KDM4B: variants seen among roughly 807,000 people sequenced by gnomAD.
KDM4B encodes lysine demethylase 4B, also known as lysine-specific demethylase 4B.
Under a neutral mutation model 125.2 loss-of-function variants are expected in KDM4B, and 32 were observed. The observed-to-expected ratio is 0.26, with a 90% CI of 0.19 to 0.34. KDM4B has a LOEUF of 0.34. Among genes scored for constraint, KDM4B ranks in the 10% least tolerant of loss-of-function variants. The pLI is 1.00. For synonymous variants in KDM4B, 721 were observed against 677.9 expected (o/e 1.06, Z -0.99); for missense variants, 1,190 against 1,577.7 (o/e 0.75, Z 4.16).
intron 1 of KDM4B, among the ~76,000 whole-genome samples, chr19:5,005,445 C>T (rs2035526826): frequency 6.6e-6 from 1 of 152,118 alleles, no homozygotes; most frequent in South Asian, 2.1e-4. Flanking sequence ...GTGACAGCTG[C>T]CACTTAGGGG....
chr19:4,992,066 C>T (rs528223046), intron 1 of KDM4B, among the ~76,000 whole-genome samples: 389 of 152,204 alleles, frequency 2.6e-3, no homozygotes, highest in Non-Finnish European at 4.3e-3. Flanking sequence ...AGGACAAGAT[C>T]CAAGGTTGCC....
At chr19:5,130,216 C>T (rs1395573936) in intron 11 of KDM4B, among the ~76,000 whole-genome samples, 1 of 152,200 alleles carries the variant, frequency 6.6e-6, no homozygotes, top group Non-Finnish European at 1.5e-5. Flanking sequence ...TCAGTCCCAC[C>T]CACAGAGTCC....
chr19:5,124,742 C>T (rs1568312383), intron 11 of KDM4B, among the ~76,000 whole-genome samples: 1 of 152,078 alleles, frequency 6.6e-6, no homozygotes, highest in Non-Finnish European at 1.5e-5. Context: ...ATTACAGGCG[C>T]CCGCCACCAT....
At position 4,976,779 on chromosome 19, in the gene KDM4B, C is replaced by T. The variant is rs567953130; in HGVS notation, c.-109+7549C>T. Among the ~76,000 whole-genome samples the T allele has an allele frequency of 3.9e-5, 6 of 152,278 alleles. No individual in the cohort carries two copies. The South Asian group carries it at 1.0e-3, about 26-fold the overall frequency. ...CGGTGGCCATCGTGCGGTCAGTAGC[C>T]GAGTGGGGGACTGTGCCCGGCCACA... On this transcript the variant is annotated intron_variant, in intron 1 of 22. Coordinates refer to ENST00000159111, the MANE Select transcript of KDM4B (RefSeq NM_015015.3).
Position 5,041,021 on chromosome 19 carries a change from C to T in KDM4B, c.318-116C>T, listed in dbSNP as rs868431585. 14 of 626,176 alleles carry T rather than the reference C, an allele frequency of 2.2e-5. 1 individual carries two copies. Among genetic ancestry groups the T allele is most frequent in the African/African-American group, 1.3e-4 (7 of 53,538 alleles). 38.8% of individuals were successfully genotyped at this position (626,176 alleles called of 1,614,324 possible). On this transcript the variant is annotated intron_variant, in intron 4 of 22. Coordinates refer to ENST00000159111, the MANE Select transcript of KDM4B (RefSeq NM_015015.3). The stretch of plus-strand genomic sequence containing the variant: ...TACCCTAGGCGGGGCAGCGGGCAGT[C>T]GGAGCAGAGCCCCTCCCGCCTCTTT...
chr19:5,068,653 C>T (rs142853041), intron 6 of KDM4B, among the ~76,000 whole-genome samples: 2,049 of 152,302 alleles, frequency 0.013, 23 homozygotes, highest in Non-Finnish European at 0.022. Context: ...TGGGTTGTTC[C>T]GAGTGGCGGG....
intron 1 of KDM4B, among the ~76,000 whole-genome samples, chr19:4,978,250 T>G (rs2034517261): frequency 6.6e-6 from 1 of 152,040 alleles, no homozygotes; most frequent in Non-Finnish European, 1.5e-5. Flanking sequence ...CTCACGCCTG[T>G]CATCCCAGCA....
chr19:5,125,149 A>G (rs878911129), intron 11 of KDM4B, among the ~76,000 whole-genome samples: 1 of 152,076 alleles, frequency 6.6e-6, no homozygotes, highest in East Asian at 1.9e-4. Flanking sequence ...CAGCCTCCCA[A>G]AGTGCTGGGA....
intron 1 of KDM4B, among the ~76,000 whole-genome samples, chr19:4,991,461 A>G (rs932714657): frequency 1.3e-5 from 2 of 152,220 alleles, no homozygotes; most frequent in African/African-American, 4.8e-5. Context: ...AAAAGCAAAA[A>G]TAAGAATGAA....
At chr19:4,973,432 G>T (rs1466268886) in intron 1 of KDM4B, among the ~76,000 whole-genome samples, 2 of 151,962 alleles carry the variant, frequency 1.3e-5, no homozygotes, top group African/African-American at 2.4e-5. Flanking sequence ...CAAGTGATCC[G>T]CCTGCCTCGG....
intron 1 of KDM4B, among the ~76,000 whole-genome samples, chr19:4,970,384 G>C (rs960591804): frequency 2.0e-5 from 3 of 152,212 alleles, no homozygotes; most frequent in African/African-American, 7.2e-5. Flanking sequence ...CCTGTCATAT[G>C]TGAAGAGCGT....
In KDM4B at chr19:4,971,132, A is replaced by G. The variant is rs1199206468; in HGVS notation, c.-109+1902A>G. 2.0e-5 allele frequency among the ~76,000 whole-genome samples: 3 copies of G among 152,200 alleles called. No homozygotes were observed. The highest frequency in any genetic ancestry group is 6.5e-5 in the Admixed American group (1 of 15,284). On this transcript the variant is annotated intron_variant, in intron 1 of 22. Transcript: ENST00000159111. The surrounding 1 kb of genome is among the most constrained non-coding windows in gnomAD (Gnocchi z 4.1). ...CTGAAATATATATGTCTTAGTAACA[A>G]TCCGTTTGCTCGCATTTTCTAACCC...
At chr19:5,034,525 C>G (rs2036556504) in intron 3 of KDM4B, among the ~76,000 whole-genome samples, 1 of 152,208 alleles carries the variant, frequency 6.6e-6, no homozygotes, top group South Asian at 2.1e-4. Context: ...CCCCCAACCA[C>G]TTAAAAATGA....
chr19:4,970,213 C>T (rs2034206058), intron 1 of KDM4B, among the ~76,000 whole-genome samples: 1 of 152,216 alleles, frequency 6.6e-6, no homozygotes, highest in African/African-American at 2.4e-5. Flanking sequence ...GTTTTCCGCC[C>T]CTGGGGGCAG....
chr19:5,133,569 G>C (rs1276250527), intron 13 of KDM4B, among the ~76,000 whole-genome samples: 6 of 152,240 alleles, frequency 3.9e-5, no homozygotes, highest in Non-Finnish European at 7.3e-5. Flanking sequence ...GGCTCTGGAT[G>C]TCCAGGGAGA....
At chr19:5,037,941 G>C (rs926508736) in intron 3 of KDM4B, among the ~76,000 whole-genome samples, 1 of 152,258 alleles carries the variant, frequency 6.6e-6, no homozygotes, top group African/African-American at 2.4e-5. Context: ...TGGAGGATAA[G>C]TGTTTTCATT....
At chr19:4,995,508 A>T (rs2035170779) in intron 1 of KDM4B, among the ~76,000 whole-genome samples, 1 of 151,968 alleles carries the variant, frequency 6.6e-6, no homozygotes, top group Non-Finnish European at 1.5e-5. Context: ...CGAACTCCTG[A>T]CCTCAACCGA....
chr19:5,035,292 C>G lies in KDM4B; in HGVS notation c.141+2261C>G, dbSNP rs1255633496. Among the ~76,000 whole-genome samples, 1 of 152,156 alleles carries G rather than the reference C, an allele frequency of 6.6e-6. No individual in the cohort carries two copies. The highest frequency in any genetic ancestry group is 1.5e-5 in the Non-Finnish European group (1 of 68,030). The stretch of plus-strand genomic sequence containing the variant: ...CTGCCCTTGACCTACTTCCACATTT[C>G]CCAGGATGCAGCAGCCCTTTCTGGC... On this transcript the variant is annotated intron_variant, in intron 3 of 22. Transcript: ENST00000159111. The surrounding 1 kb of genome is among the most constrained non-coding windows in gnomAD (Gnocchi z 5.3).
intron 9 of KDM4B, among the ~76,000 whole-genome samples, chr19:5,109,559 C>T (rs985362030): frequency 1.1e-4 from 16 of 152,234 alleles, no homozygotes; most frequent in African/African-American, 3.9e-4. Context: ...CTTGACGTTC[C>T]CAAACACAAG....
Sources: allele counts gnomAD v4.1 joint callset (sites outside exome capture counted in the v4.1 genomes callset), GRCh38; gene constraint gnomAD v4.1.1; non-coding constraint Gnocchi (gnomAD v3.1); transcripts MANE v1.5; gene names NCBI Gene and HGNC (gene_info 2026-07-23, HGNC 2026-07-21).